CHMP6: variants seen among roughly 807,000 people sequenced by gnomAD.
CHMP6 encodes the protein charged multivesicular body protein 6.
CHMP6 carries 10 observed loss-of-function variants against 32.8 expected under a neutral mutation model. The observed-to-expected ratio is 0.30, with a 90% confidence interval of 0.19 to 0.52. The LOEUF is 0.52. Ranked by LOEUF, CHMP6 falls within the 20% of genes least tolerant of loss-of-function variation. CHMP6 has a pLI of 0.97. For synonymous variants in CHMP6, 123 were observed against 105.8 expected, an observed-to-expected ratio of 1.16 and a Z score of -1.00; for missense variants, 269 against 263.8, an observed-to-expected ratio of 1.02 and a Z score of -0.14.
chr17:80,993,277 T>TTA (rs1420616545), intron 1 of CHMP6, among the ~76,000 whole-genome samples: 1 of 130,634 alleles, frequency 7.7e-6, no homozygotes, highest in Non-Finnish European at 1.8e-5. Flanking sequence ...CTTTTTTTTT[T>TTA]CTGTTTTTCT....
intron 6 of CHMP6, among the ~76,000 whole-genome samples, chr17:80,997,590 G>A (rs1489728189): frequency 6.6e-6 from 1 of 152,086 alleles, no homozygotes; most frequent in East Asian, 1.9e-4. Flanking sequence ...TGGCGCCTCG[G>A]CCCCTTTCTG....
At position 80,999,000 on chromosome 17, in the gene CHMP6, C is replaced by T. The variant is rs112400287; in HGVS notation, c.551-98C>T. 809 of 1,429,490 alleles carry T rather than the reference C, an allele frequency of 5.7e-4. 6 individuals are homozygous for T. In the African/African-American group the frequency reaches 9.1e-3, roughly 16 times the overall value. 88.6% of individuals were successfully genotyped at this position (1,429,490 alleles called of 1,614,324 possible). Reference sequence around the variant, plus strand: ...GTGCCCTTCCCTAGTGCGAAGTCCCCGGAACTGGCCCTTGCCACCCCTGTG... The same window carrying T: ...GTGCCCTTCCCTAGTGCGAAGTCCCTGGAACTGGCCCTTGCCACCCCTGTG... On this transcript the variant is annotated intron_variant, in intron 7 of 7. Coordinates refer to ENST00000325167, the MANE Select transcript of CHMP6 (RefSeq NM_024591.5).
At chr17:80,993,452 T>C (rs1194616372) in intron 1 of CHMP6, among the ~76,000 whole-genome samples, 1 of 152,054 alleles carries the variant, frequency 6.6e-6, no homozygotes, top group Non-Finnish European at 1.5e-5. Flanking sequence ...CCCACAGGCC[T>C]TGGCACGGCG....
At chr17:80,995,606 C>A in intron 3 of CHMP6, 66 bp from the exon 4 acceptor site, 2 of 1,435,698 alleles carry the variant, frequency 1.4e-6, no homozygotes, top group Non-Finnish European at 2.0e-6. Flanking sequence ...CTGAACCCTG[C>A]CCCAGGGCCG....
intron 7 of CHMP6, 100 bp from the exon 8 acceptor site, chr17:80,998,998 C>A: frequency 1.3e-5 from 18 of 1,413,718 alleles, no homozygotes; most frequent in Non-Finnish European, 1.7e-5. Flanking sequence ...GTGCGAAGTC[C>A]CCGGAACTGG....
chr17:80,995,896 C>T lies in CHMP6; in HGVS notation c.348+138C>T. The T allele has an allele frequency of 4.2e-6, 3 of 720,620 alleles. No homozygotes were observed. In the South Asian group the frequency reaches 5.3e-5, roughly 13 times the overall value. The allele number at this position is 720,620 out of a possible 1,614,324, so 44.6% of individuals were successfully genotyped here. A position where few individuals can be genotyped will look rare whatever the true frequency, so the allele number is the denominator to read the frequency against. ...GCTGGCAGGGGAGATGTGTTGGGTGCTGCCAGGCAGGCAGGGATGCAGTGA... is the reference window on the plus strand; with the variant it reads ...GCTGGCAGGGGAGATGTGTTGGGTGTTGCCAGGCAGGCAGGGATGCAGTGA... On this transcript the variant is annotated intron_variant, in intron 4 of 7. Transcript: ENST00000325167.
Position 80,991,908 on chromosome 17 carries a change from C to A in CHMP6, c.-11C>A. ...GACTTGGTGGGTCCCGGGCCAGGGG[C>A]GGGCGCCGCCATGGGTAACCTGTTC... On this transcript the variant is annotated 5_prime_UTR_variant, in exon 1 of 8. Transcript: ENST00000325167. The A allele has an allele frequency of 6.9e-7, 1 of 1,452,220 alleles. No individual in the cohort carries two copies. Among genetic ancestry groups the A allele is most frequent in the Non-Finnish European group, 9.1e-7 (1 of 1,095,246 alleles). The allele number at this position is 1,452,220 out of a possible 1,614,324, so 90.0% of individuals were successfully genotyped here.
At chr17:80,998,635 C>T (rs2144154248) in intron 7 of CHMP6, 1 of 1,423,864 alleles carries the variant, frequency 7.0e-7, no homozygotes, top group Non-Finnish European at 9.2e-7. Flanking sequence ...GAGAGCCATA[C>T]CCCATTCAAA....
chr17:80,994,116 A>G (rs1051579085), intron 1 of CHMP6, among the ~76,000 whole-genome samples: 3 of 152,170 alleles, frequency 2.0e-5, no homozygotes, highest in African/African-American at 7.2e-5. Context: ...GGGTTTCACC[A>G]TGTTAGCCAG....
intron 7 of CHMP6, chr17:80,998,688 C>T: frequency 7.2e-7 from 1 of 1,383,532 alleles, no homozygotes; most frequent in Non-Finnish European, 9.4e-7. Flanking sequence ...GCTTCTTTAG[C>T]AGCACCAGCT....
intron 6 of CHMP6, 48 bp from the exon 7 acceptor site, chr17:80,998,318 G>A (rs762794828): frequency 1.1e-5 from 18 of 1,608,660 alleles, no homozygotes; most frequent in East Asian, 1.1e-4. Context: ...CAGGCAGCCC[G>A]GGGCAGACCT....
Position 80,998,247 on chromosome 17 carries a change from T to A in CHMP6, c.496-119T>A, listed in dbSNP as rs2069655911. ...GGGTCTTCTGAGCAGCACGTTCCTG[T>A]CCGCTTTAACTCCGGCTGAGAGCGG... On this transcript the variant is annotated intron_variant, in intron 6 of 7. Coordinates refer to ENST00000325167, the MANE Select transcript of CHMP6 (RefSeq NM_024591.5). 4 of 1,190,802 alleles carry A rather than the reference T, an allele frequency of 3.4e-6. No homozygotes were observed. In the African/African-American group the frequency reaches 4.6e-5, roughly 14 times the overall value. 73.8% of individuals were successfully genotyped at this position (1,190,802 alleles called of 1,614,324 possible).
chr17:80,992,810 C>A (rs1049171730), intron 1 of CHMP6, among the ~76,000 whole-genome samples: 6 of 152,238 alleles, frequency 3.9e-5, no homozygotes, highest in African/African-American at 1.2e-4. Flanking sequence ...ACGAAAGAGA[C>A]CCCGAAATGA....
At chr17:80,995,287 C>T (rs1003326481) in intron 3 of CHMP6, among the ~76,000 whole-genome samples, 181 bp downstream of exon 3, 2 of 152,064 alleles carry the variant, frequency 1.3e-5, no homozygotes, top group African/African-American at 4.8e-5. Context: ...AGCTAATGGT[C>T]TTAAGAGGCT....
intron 1 of CHMP6, among the ~76,000 whole-genome samples, chr17:80,994,135 C>T (rs1010158895): frequency 6.6e-6 from 1 of 152,208 alleles, no homozygotes; most frequent in South Asian, 2.1e-4. Context: ...AGGATGGTCT[C>T]GATCTCCTGA....
Position 80,999,827 on chromosome 17 carries a change from C to G in CHMP6, c.*674C>G, listed in dbSNP as rs1037759928. On this transcript the variant is annotated 3_prime_UTR_variant, in exon 8 of 8. Coordinates refer to ENST00000325167, the MANE Select transcript of CHMP6 (RefSeq NM_024591.5). ...GGGCTCAGCCCTGCTGAGAAAGGAC[C>G]TCCGATGCTTGGGAGACGCTGCTCC... 1.3e-5 allele frequency: 2 copies of G among 152,280 alleles called. No homozygotes were observed. The highest frequency in any genetic ancestry group is 4.8e-5 in the African/African-American group (2 of 41,414). 9.4% of individuals were successfully genotyped at this position (152,280 alleles called of 1,614,324 possible). A position where few individuals can be genotyped will look rare whatever the true frequency, so the allele number is the denominator to read the frequency against.
At chr17:80,995,298 G>C (rs2069627663) in intron 3 of CHMP6, among the ~76,000 whole-genome samples, 192 bp downstream of exon 3, 1 of 152,158 alleles carries the variant, frequency 6.6e-6, no homozygotes, top group South Asian at 2.1e-4. Flanking sequence ...TTAAGAGGCT[G>C]GGGGGCAGGT....
chr17:80,996,933 G>C (rs1406977808), intron 4 of CHMP6, 74 bp from the exon 5 acceptor site: 1 of 1,439,636 alleles, frequency 6.9e-7, no homozygotes, highest in Non-Finnish European at 9.5e-7. Flanking sequence ...GGCCCTGAGA[G>C]CCCAGGAGGC....
rs199755726 is a variant in CHMP6, at chr17:80,997,333, A to C, written c.487A>C (p.Ile163Leu). Residue 163 changes from isoleucine (I) to leucine (L), a missense_variant, in exon 6 of 8, where the codon ATC (isoleucine) becomes CTC (leucine). By Grantham distance (5) the Ile-to-Leu change is conservative. Transcript: ENST00000325167. ...EDAILEELSA[I>L]TQEQIELPEV... ...CGCCATCCTGGAGGAGCTGAGCGCA[A>C]TCACTCAGGTAACGGCCCCCCCGGG... is the stretch of plus-strand genomic sequence containing the variant. 5.6e-6 allele frequency: 7 copies of C among 1,256,836 alleles called. No individual in the cohort carries two copies. Among genetic ancestry groups the C allele is most frequent in the Admixed American group, 2.6e-5 (1 of 38,574 alleles). 77.9% of individuals were successfully genotyped at this position (1,256,836 alleles called of 1,614,324 possible). A position where few individuals can be genotyped will look rare whatever the true frequency, so the allele number is the denominator to read the frequency against.
Sources: allele counts gnomAD v4.1 joint callset (sites outside exome capture counted in the v4.1 genomes callset), GRCh38; gene constraint gnomAD v4.1.1; transcripts MANE v1.5; gene names NCBI Gene and HGNC (gene_info 2026-07-23, HGNC 2026-07-21).